The following SLC9C2 variants were observed in gnomAD, a reference collection of about 807,000 sequenced individuals.
SLC9C2 encodes sodium/hydrogen exchanger 11.
SLC9C2 carries 75 observed loss-of-function variants against 140.2 expected under a neutral mutation model. The ratio of observed to expected loss-of-function variants is 0.53; its 90% CI spans 0.44 to 0.65. SLC9C2 has a LOEUF of 0.65. SLC9C2 is among the 30% of genes least tolerant of loss of function. SLC9C2 has a pLI of 0.00. For missense variants in SLC9C2, 1,074 were observed against 1,331.8 expected (o/e 0.81, Z 3.01); for synonymous variants, 375 against 420.9 (o/e 0.89, Z 1.34).
chr1:173,558,289 G>A (rs1353447912), intron 9 of SLC9C2, among the ~76,000 whole-genome samples: 1 of 151,930 alleles, frequency 6.6e-6, no homozygotes, highest in African/African-American at 2.4e-5. Flanking sequence ...TAATTATTTG[G>A]GCAAACTCCT....
intron 23 of SLC9C2, 140 bp downstream of exon 23, chr1:173,517,397 A>T: frequency 2.7e-6 from 2 of 731,754 alleles, no homozygotes; most frequent in South Asian, 2.1e-5. Flanking sequence ...GTGAGACACT[A>T]AATCTGCCTT....
chr1:173,539,087 T>C (rs1662186801), intron 13 of SLC9C2, among the ~76,000 whole-genome samples: 1 of 152,226 alleles, frequency 6.6e-6, no homozygotes, highest in Non-Finnish European at 1.5e-5. Context: ...CATTTAACTT[T>C]ATTTAAGCCA....
chr1:173,598,152 G>A, intron 3 of SLC9C2, 120 bp from the exon 4 acceptor site: 4 of 1,070,410 alleles, frequency 3.7e-6, no homozygotes, highest in East Asian at 5.8e-5. Context: ...TAACGAGAGA[G>A]TATCTACAAG....
intron 5 of SLC9C2, among the ~76,000 whole-genome samples, chr1:173,585,692 T>A (rs765836084): frequency 1.9e-4 from 29 of 152,140 alleles, no homozygotes; most frequent in Non-Finnish European, 2.9e-4. Flanking sequence ...TTCAGCCGGG[T>A]GCAGTGGCTC....
Position 173,581,099 on chromosome 1 carries a change from C to T in SLC9C2, c.802+748G>A, listed in dbSNP as rs146509137. On this transcript the variant is annotated intron_variant, in intron 7 of 27. Coordinates refer to ENST00000367714, the MANE Select transcript of SLC9C2 (RefSeq NM_178527.4). ...CAATTAATCTGCAGAAGAAGCAGCG[C>T]TTTTAGGTAACTGGAGGTGAAAGAG... Among the ~76,000 whole-genome samples the T allele has an allele frequency of 1.7e-3, 259 of 152,266 alleles. 1 individual carries two copies. Among genetic ancestry groups the T allele is most frequent in the Admixed American group, 3.9e-3 (59 of 15,296 alleles).
intron 9 of SLC9C2, among the ~76,000 whole-genome samples, chr1:173,557,794 T>A (rs879320099): frequency 1.2e-4 from 18 of 152,190 alleles, no homozygotes; most frequent in Non-Finnish European, 2.1e-4. Context: ...TAGTAAATGC[T>A]CACAGGGAAA....
At chr1:173,557,601 A>C (rs1663802326) in intron 9 of SLC9C2, 93 bp from the exon 10 acceptor site, 1 of 1,236,030 alleles carries the variant, frequency 8.1e-7, no homozygotes, top group Admixed American at 2.5e-5. Flanking sequence ...ATTTAATATA[A>C]AAATTTTCGG....
chr1:173,504,613 T>C (rs556866707), intron 26 of SLC9C2, among the ~76,000 whole-genome samples: 80 of 152,120 alleles, frequency 5.3e-4, no homozygotes, highest in African/African-American at 1.8e-3. Flanking sequence ...TGGGAGAATT[T>C]TGTCATTGGG....
At position 173,548,469 on chromosome 1, in the gene SLC9C2, T is replaced by A. The variant is rs267598170; in HGVS notation, c.1381A>T (p.Thr461Ser). 6.2e-7 allele frequency: 1 copy of A among 1,613,822 alleles called. No individual in the cohort carries two copies. The highest frequency in any genetic ancestry group is 1.7e-4 in the Middle Eastern group (1 of 6,058). The change falls in exon 12 of 28, where the codon ACT becomes TCT. Residue 461 changes from threonine to serine, a missense_variant. By Grantham distance (58) the Thr-to-Ser change is moderately conservative. Coordinates refer to ENST00000367714, the MANE Select transcript of SLC9C2 (RefSeq NM_178527.4). ...AAAATTTTTTCTGTTTTAAATAAAG[T>A]TATTGTGTTCTGTACTATCTCCTGT... Reference protein sequence around the residue: ...HIQEIVQNTITLFKTEKILTN... With the variant: ...HIQEIVQNTISLFKTEKILTN...
rs562246408 is a variant in SLC9C2 at position 173,578,403 on chromosome 1, C to T, written c.803-1643G>A. Among the ~76,000 whole-genome samples the T allele has an allele frequency of 5.6e-4, 86 of 152,314 alleles. No individual in the cohort carries two copies. In the Middle Eastern group the frequency reaches 0.02, roughly 36 times the overall value. ...TAAGTGAGAATTTTATCTGCATTTTCGCTTTCCGGCTATGGAACATCTCCT... is the reference window on the plus strand; with the variant it reads ...TAAGTGAGAATTTTATCTGCATTTTTGCTTTCCGGCTATGGAACATCTCCT... On this transcript the variant is annotated intron_variant, in intron 7 of 27. Transcript: ENST00000367714.
chr1:173,546,734 A>C (rs1372371476), intron 13 of SLC9C2, among the ~76,000 whole-genome samples: 1 of 152,208 alleles, frequency 6.6e-6, no homozygotes. Flanking sequence ...TGAAAACATA[A>C]ACTGTAAAAA....
intron 13 of SLC9C2, among the ~76,000 whole-genome samples, chr1:173,542,946 C>A (rs1443711461): frequency 6.6e-6 from 1 of 152,164 alleles, no homozygotes; most frequent in Non-Finnish European, 1.5e-5. Context: ...TGAAAACTGG[C>A]ACAAGACAGG....
At chr1:173,503,439 C>T in intron 26 of SLC9C2, 113 bp from the exon 27 acceptor site, 1 of 944,712 alleles carries the variant, frequency 1.1e-6, no homozygotes, top group African/African-American at 1.6e-5. Flanking sequence ...TTTCCCTTTT[C>T]CCTTCCCCCT....
At chr1:173,545,027 C>T (rs1662742883) in intron 13 of SLC9C2, among the ~76,000 whole-genome samples, 1 of 152,006 alleles carries the variant, frequency 6.6e-6, no homozygotes, top group Non-Finnish European at 1.5e-5. Flanking sequence ...AGACCAAATC[C>T]AGGGTGCTGC....
chr1:173,561,835 C>T (rs1274824822), intron 9 of SLC9C2, among the ~76,000 whole-genome samples: 2 of 147,410 alleles, frequency 1.4e-5, no homozygotes, highest in Non-Finnish European at 3.0e-5. Context: ...TGACCAATCA[C>T]ATAAGATACA....
At chr1:173,529,232 T>A (rs999451233) in intron 18 of SLC9C2, among the ~76,000 whole-genome samples, 1 of 152,168 alleles carries the variant, frequency 6.6e-6, no homozygotes, top group African/African-American at 2.4e-5. Context: ...GGAAGTTTTT[T>A]ATCTAAAGAA....
intron 23 of SLC9C2, among the ~76,000 whole-genome samples, chr1:173,516,613 C>T (rs1477973900): frequency 1.3e-5 from 2 of 152,194 alleles, no homozygotes; most frequent in East Asian, 3.8e-4. Flanking sequence ...TGGCCTCCAG[C>T]TCCATCCATA....
intron 9 of SLC9C2, among the ~76,000 whole-genome samples, chr1:173,564,968 C>CTTT (rs564120430): frequency 1.1e-4 from 12 of 113,618 alleles, no homozygotes; most frequent in East Asian, 2.7e-4. Flanking sequence ...TTTTCTTTTT[C>CTTT]TTTTTTTTTT....
intron 18 of SLC9C2, among the ~76,000 whole-genome samples, chr1:173,529,082 C>CA (rs905148980): frequency 2.0e-5 from 3 of 151,476 alleles, no homozygotes; most frequent in South Asian, 2.1e-4. Flanking sequence ...AAGTAATTGT[C>CA]AAAAAAAATT....
Sources: gnomAD v4.1 joint callset for allele counts (sites outside exome capture counted in the v4.1 genomes callset) on GRCh38, gnomAD v4.1.1 for gene constraint, MANE v1.5 for transcripts, NCBI Gene and HGNC (gene_info 2026-07-23, HGNC 2026-07-21) for gene names.